Variants in SRPK2 observed in about 807,000 individuals in gnomAD.
SRPK2 encodes SFRS protein kinase 2.
A neutral mutation model predicts 90.8 loss-of-function variants in SRPK2; 21 were observed. The ratio of observed to expected loss-of-function variants is 0.23; its 90% CI spans 0.16 to 0.33. The LOEUF is 0.33. Among genes scored for constraint, SRPK2 ranks in the 10% least tolerant of loss-of-function variants. SRPK2 has a pLI of 1.00. For synonymous variants in SRPK2, 288 were observed against 311.1 expected, an observed-to-expected ratio of 0.93 and a Z score of 0.78; for missense variants, 620 against 869.0, an observed-to-expected ratio of 0.71 and a Z score of 3.60.
intron 1 of SRPK2, among the ~76,000 whole-genome samples, chr7:105,396,546 G>C (rs1822326764): frequency 6.6e-6 from 1 of 151,830 alleles, no homozygotes; most frequent in Non-Finnish European, 1.5e-5. Context: ...CAGGAGAATG[G>C]TGTGAACCTG....
At chr7:105,339,605 G>C (rs1018386157) in intron 2 of SRPK2, among the ~76,000 whole-genome samples, 1 of 152,244 alleles carries the variant, frequency 6.6e-6, no homozygotes, top group African/African-American at 2.4e-5. Flanking sequence ...ATGAACTCCT[G>C]TGATCCCTGA....
In SRPK2 at chr7:105,341,448, G is replaced by A. The variant is rs923625536; in HGVS notation, c.71+47200C>T. ...AGCACTTCGAGAGGCCAAGGCAGCT[G>A]GATCGCTTGAGGCCAGGAGTTTGGG... On this transcript the variant is annotated intron_variant, in intron 2 of 15. Coordinates refer to ENST00000393651, the MANE Select transcript of SRPK2 (RefSeq NM_182692.3). Among the ~76,000 whole-genome samples, 13 of 151,762 alleles carry A rather than the reference G, an allele frequency of 8.6e-5. 1 individual carries two copies. The highest frequency in any genetic ancestry group is 2.9e-4 in the African/African-American group (12 of 41,348).
At chr7:105,162,006 C>T (rs1006610861) in intron 6 of SRPK2, among the ~76,000 whole-genome samples, 2 of 152,168 alleles carry the variant, frequency 1.3e-5, no homozygotes, top group African/African-American at 4.8e-5. Flanking sequence ...CCTTAGATTC[C>T]CAAGTAGTCA....
intron 2 of SRPK2, among the ~76,000 whole-genome samples, chr7:105,348,068 C>CTTTTTT (rs770159031): frequency 1.1e-3 from 91 of 80,992 alleles, no homozygotes; most frequent in Non-Finnish European, 1.2e-3. Flanking sequence ...GCTTGGCAAA[C>CTTTTTT]TTTTTTTTTT....
chr7:105,300,346 T>A (rs1810390923), intron 2 of SRPK2, among the ~76,000 whole-genome samples: 1 of 151,542 alleles, frequency 6.6e-6, no homozygotes. Flanking sequence ...TAGTTATACA[T>A]CTGACATCAT....
intron 2 of SRPK2, among the ~76,000 whole-genome samples, chr7:105,302,851 T>A (rs558499546): frequency 6.6e-6 from 1 of 152,214 alleles, no homozygotes; most frequent in East Asian, 1.9e-4. Flanking sequence ...AAAAGATGCC[T>A]TAACATTTAA....
chr7:105,132,585 C>T, intron 13 of SRPK2, among the ~76,000 whole-genome samples: 1 of 152,232 alleles, frequency 6.6e-6, no homozygotes, highest in East Asian at 1.9e-4. Flanking sequence ...CCCACAACCA[C>T]ACCAAACACC....
chr7:105,315,727 C>G (rs1278182814), intron 2 of SRPK2, among the ~76,000 whole-genome samples: 1 of 152,174 alleles, frequency 6.6e-6, no homozygotes, highest in East Asian at 1.9e-4. Context: ...ATATTACACA[C>G]GTGTGTTCTC....
Position 105,117,725 on chromosome 7 carries a change from G to C in SRPK2, c.*113C>G. 2 of 1,184,614 alleles carry C rather than the reference G, an allele frequency of 1.7e-6. No individual in the cohort carries two copies. Among genetic ancestry groups the C allele is most frequent in the Non-Finnish European group, 2.4e-6 (2 of 834,182 alleles). 73.4% of individuals were successfully genotyped at this position (1,184,614 alleles called of 1,614,324 possible). ...AACAGTACCTCAAAGCAAAATAAAG[G>C]TCTGAGGATGAAGCCAGCTCACTTG... On this transcript the variant is annotated 3_prime_UTR_variant, in exon 16 of 16. Transcript: ENST00000393651.
At chr7:105,194,659 A>C (rs1794699859) in intron 3 of SRPK2, among the ~76,000 whole-genome samples, 1 of 152,242 alleles carries the variant, frequency 6.6e-6, no homozygotes, top group African/African-American at 2.4e-5. Flanking sequence ...AATATTATTA[A>C]GGCGTATCTA....
chr7:105,163,329 T>C (rs1051187102), intron 6 of SRPK2, among the ~76,000 whole-genome samples: 5 of 152,168 alleles, frequency 3.3e-5, no homozygotes, highest in African/African-American at 9.6e-5. Flanking sequence ...AAATTTATGA[T>C]GAAGCTTGGG....
intron 2 of SRPK2, among the ~76,000 whole-genome samples, chr7:105,336,378 A>G (rs952414382): frequency 2.6e-5 from 4 of 152,196 alleles, no homozygotes; most frequent in African/African-American, 4.8e-5. Context: ...GTTTTAAAAT[A>G]CCATTATAAT....
intron 2 of SRPK2, among the ~76,000 whole-genome samples, chr7:105,287,069 G>A (rs1229576216): frequency 6.0e-5 from 9 of 150,830 alleles, no homozygotes; most frequent in African/African-American, 1.2e-4. Flanking sequence ...AGACCATCCC[G>A]GCTAAAACGG....
At chr7:105,248,089 G>A (rs1801959989) in intron 2 of SRPK2, among the ~76,000 whole-genome samples, 1 of 152,102 alleles carries the variant, frequency 6.6e-6, no homozygotes, top group African/African-American at 2.4e-5. Flanking sequence ...CCAACCTCAG[G>A]TGATCTGCCC....
At chr7:105,383,052 A>AT (rs1563315577) in intron 2 of SRPK2, among the ~76,000 whole-genome samples, 5,676 of 105,028 alleles carry the variant, frequency 0.054, 1,417 homozygotes, top group African/African-American at 0.18. Flanking sequence ...CAAAAGTAAA[A>AT]ATTTTTTTTT....
chr7:105,174,336 T>C (rs540671481), intron 3 of SRPK2, among the ~76,000 whole-genome samples: 1 of 152,234 alleles, frequency 6.6e-6, no homozygotes, highest in South Asian at 2.1e-4. Context: ...CTAGCAAAAA[T>C]AGATTCTATT....
At chr7:105,191,922 C>T (rs1195225423) in intron 3 of SRPK2, among the ~76,000 whole-genome samples, 1 of 151,288 alleles carries the variant, frequency 6.6e-6, no homozygotes, top group Non-Finnish European at 1.5e-5. Flanking sequence ...TAATATGTTG[C>T]CCAGGCTGTC....
intron 15 of SRPK2, chr7:105,125,663 C>T (rs997057509): frequency 4.2e-5 from 16 of 378,350 alleles, no homozygotes; most frequent in South Asian, 2.7e-4. Context: ...GAGCTTTCTT[C>T]GGAAGAATTC....
In SRPK2 at chr7:105,170,786, A is replaced by AAGGAAGGAAGGAAGGAC. The variant is rs1554435294; in HGVS notation, c.230-1522_230-1521insGTCCTTCCTTCCTTCCT. ...AAGGAAGGAAGGAAGGAAGGACGGG[A>AAGGAAGGAAGGAAGGAC]GGGAGGGAGGGAGGGAGGGAGAGAG... On this transcript the variant is annotated intron_variant, in intron 3 of 15. Coordinates refer to ENST00000393651, the MANE Select transcript of SRPK2 (RefSeq NM_182692.3). 9.3e-4 allele frequency among the ~76,000 whole-genome samples: 63 copies of AAGGAAGGAAGGAAGGAC among 67,616 alleles called. 2 individuals are homozygous for AAGGAAGGAAGGAAGGAC. Among genetic ancestry groups the AAGGAAGGAAGGAAGGAC allele is most frequent in the Non-Finnish European group, 1.4e-3 (51 of 37,678 alleles). The allele number at this position is 67,616 out of a possible 152,430, so 44.4% of individuals were successfully genotyped here. A position where few individuals can be genotyped will look rare whatever the true frequency, so the allele number is the denominator to read the frequency against.
Sources: gnomAD v4.1 joint callset for allele counts (sites outside exome capture counted in the v4.1 genomes callset) on GRCh38, gnomAD v4.1.1 for gene constraint, MANE v1.5 for transcripts, NCBI Gene and HGNC (gene_info 2026-07-23, HGNC 2026-07-21) for gene names.